Variants in NBEAL1 observed in about 807,000 individuals in gnomAD.
NBEAL1 encodes the protein neurobeachin like 1.
Under a neutral mutation model 351.3 loss-of-function variants are expected in NBEAL1, and 273 were observed. The ratio of observed to expected loss-of-function variants is 0.78; its 90% CI spans 0.70 to 0.86. The LOEUF (loss-of-function observed/expected upper bound fraction) is 0.86. Ranked by LOEUF, NBEAL1 falls within the 40% of genes least tolerant of loss-of-function variation. The pLI is 0.00. For synonymous variants in NBEAL1, 1,050 were observed against 1,086.4 expected, an observed-to-expected ratio of 0.97 and a Z score of 0.66; for missense variants, 2,961 against 3,201.3, an observed-to-expected ratio of 0.92 and a Z score of 1.81.
intron 10 of NBEAL1, among the ~76,000 whole-genome samples, chr2:203,093,874 G>A (rs1478041144): frequency 1.3e-5 from 2 of 151,984 alleles, no homozygotes; most frequent in Non-Finnish European, 2.9e-5. Flanking sequence ...AAAAAACAGG[G>A]AAAACCAAGC....
Position 203,167,328 on chromosome 2 carries a change from C to A in NBEAL1, c.5965C>A (p.Gln1989Lys), listed in dbSNP as rs772874763. The change falls in exon 38 of 56, where the codon CAA (glutamine) becomes AAA (lysine). Residue 1989 changes from glutamine to lysine, a missense_variant. Coordinates refer to ENST00000683969, the MANE Select transcript of NBEAL1 (RefSeq NM_001378026.1). ...RSALEIFHVD[Q>K]SNYFLNFKKE... Reference sequence around the variant, plus strand: ...AGCCCTTGAGATTTTTCATGTTGACCAATCCAACTACTTTCTCAATTTCAA... The same window carrying A: ...AGCCCTTGAGATTTTTCATGTTGACAAATCCAACTACTTTCTCAATTTCAA... The A allele has an allele frequency of 5.6e-6, 9 of 1,611,458 alleles. No homozygotes were observed. The highest frequency in any genetic ancestry group is 7.6e-6 in the Non-Finnish European group (9 of 1,178,954).
intron 2 of NBEAL1, among the ~76,000 whole-genome samples, chr2:203,025,143 T>C (rs568513853): frequency 6.6e-6 from 1 of 152,196 alleles, no homozygotes; most frequent in Non-Finnish European, 1.5e-5. Flanking sequence ...TCAGATACCT[T>C]AGAATCCATC....
intron 2 of NBEAL1, among the ~76,000 whole-genome samples, chr2:203,023,474 ACTTTTTAAATTCTTTC>A (rs2060801075): frequency 6.6e-6 from 1 of 152,226 alleles, no homozygotes. Flanking sequence ...AGATGCATTA[ACTTTTTAAATTCTTTC>A]CTTTTGAGCA....
chr2:203,138,076 C>T (rs2063265568), intron 29 of NBEAL1, 86 bp from the exon 30 acceptor site: 1 of 1,207,858 alleles, frequency 8.3e-7, no homozygotes, highest in Admixed American at 2.2e-5. Context: ...ACAGTGCTGC[C>T]TCTCAAGCTA....
At chr2:203,055,517 A>G (rs2061389263) in intron 4 of NBEAL1, among the ~76,000 whole-genome samples, 1 of 151,960 alleles carries the variant, frequency 6.6e-6, no homozygotes, top group African/African-American at 2.4e-5. Context: ...GGGTGGGAGG[A>G]TTGCATGAGC....
intron 5 of NBEAL1, 79 bp from the exon 6 acceptor site, chr2:203,057,247 G>A: frequency 7.8e-7 from 1 of 1,274,824 alleles, no homozygotes. Flanking sequence ...GGGAAAGTTT[G>A]GCTTGTTTGA....
intron 42 of NBEAL1, among the ~76,000 whole-genome samples, chr2:203,176,857 A>G (rs2064520492): frequency 6.6e-6 from 1 of 152,122 alleles, no homozygotes; most frequent in African/African-American, 2.4e-5. Flanking sequence ...CACCATCAAG[A>G]AAGTAAAAAC....
intron 44 of NBEAL1, among the ~76,000 whole-genome samples, chr2:203,184,985 G>A (rs1425301097): frequency 6.6e-6 from 1 of 152,102 alleles, no homozygotes. Context: ...AGGGACCAGA[G>A]ATGTACCCAG....
At chr2:203,156,415 A>G (rs1054558109) in intron 35 of NBEAL1, among the ~76,000 whole-genome samples, 5 of 152,208 alleles carry the variant, frequency 3.3e-5, no homozygotes, top group Admixed American at 1.3e-4. Context: ...TTTTCAATTC[A>G]TACTGTTAAC....
intron 35 of NBEAL1, among the ~76,000 whole-genome samples, chr2:203,153,302 AT>A (rs5837843): frequency 1.0e-3 from 127 of 124,124 alleles, no homozygotes; most frequent in East Asian, 3.8e-3. Flanking sequence ...CATGCCCAGC[AT>A]TTTTTTTTTT....
chr2:203,154,549 A>G (rs1482271787), intron 35 of NBEAL1, among the ~76,000 whole-genome samples: 1 of 152,118 alleles, frequency 6.6e-6, no homozygotes, highest in Non-Finnish European at 1.5e-5. Context: ...TTGCAGATGT[A>G]TAGAATAGTG....
chr2:203,040,794 G>A (rs961017913), intron 2 of NBEAL1: 12 of 530,990 alleles, frequency 2.3e-5, no homozygotes, highest in African/African-American at 2.1e-4. Flanking sequence ...TTGGCTCACT[G>A]CAACCTCCAC....
chr2:203,017,554 A>G (rs559887259), intron 2 of NBEAL1, among the ~76,000 whole-genome samples: 1 of 152,318 alleles, frequency 6.6e-6, no homozygotes, highest in East Asian at 1.9e-4. Flanking sequence ...AATCCAATTC[A>G]CCACTTTTGA....
intron 49 of NBEAL1, among the ~76,000 whole-genome samples, chr2:203,200,454 AG>A (rs1239376042): frequency 4.6e-5 from 7 of 152,236 alleles, no homozygotes; most frequent in Non-Finnish European, 8.8e-5. Flanking sequence ...CAGAGCTTGC[AG>A]TGAGCCGAGA....
chr2:203,028,607 C>T (rs1054777272), intron 2 of NBEAL1, among the ~76,000 whole-genome samples: 2 of 150,990 alleles, frequency 1.3e-5, no homozygotes, highest in Non-Finnish European at 3.0e-5. Context: ...GTTTTAAACT[C>T]CATTTGACAA....
At position 203,193,852 on chromosome 2, in the gene NBEAL1, G is replaced by A; in HGVS notation, c.6979G>A (p.Asp2327Asn). The change falls in exon 47 of 56, where the codon GAC (aspartate) becomes AAC (asparagine). Residue 2327 changes from aspartate (D) to asparagine (N), a missense_variant. Asp to Asn is a conservative substitution (Grantham distance 23). Coordinates refer to ENST00000683969, the MANE Select transcript of NBEAL1 (RefSeq NM_001378026.1). ...EEAVQKPTKI[D>N]TSTLNLFQHL... ...AGCAGTGCAGAAGCCAACCAAAATA[G>A]ACACTTCAACCCTAAACCTGTTTCA... 1.2e-6 allele frequency: 2 copies of A among 1,612,612 alleles called. No individual in the cohort carries two copies.
At chr2:203,095,987 C>T (rs964260812) in intron 10 of NBEAL1, among the ~76,000 whole-genome samples, 1 of 152,030 alleles carries the variant, frequency 6.6e-6, no homozygotes, top group East Asian at 1.9e-4. Flanking sequence ...GAACTCCTGA[C>T]CTCAGGTGAT....
intron 36 of NBEAL1, among the ~76,000 whole-genome samples, chr2:203,164,864 T>C (rs946937311): frequency 6.7e-6 from 1 of 149,754 alleles, no homozygotes. Context: ...CATTTCTCTT[T>C]TTTTTTTTTT....
intron 51 of NBEAL1, among the ~76,000 whole-genome samples, chr2:203,206,618 G>C (rs1559065524): frequency 2.0e-5 from 3 of 151,758 alleles, no homozygotes; most frequent in Admixed American, 1.3e-4. Flanking sequence ...ACGGGGTTTC[G>C]CTGTGTTGGC....
Sources: gnomAD v4.1 joint callset for allele counts (sites outside exome capture counted in the v4.1 genomes callset) on GRCh38, gnomAD v4.1.1 for gene constraint, MANE v1.5 for transcripts, NCBI Gene and HGNC (gene_info 2026-07-23, HGNC 2026-07-21) for gene names.